Variants in HS6ST3 observed in about 807,000 individuals in gnomAD.
HS6ST3 encodes heparan sulfate 6-O-sulfotransferase 3.
HS6ST3 carries 12 observed loss-of-function variants against 36.7 expected under a neutral mutation model. That is an observed-to-expected ratio of 0.33 (90% CI 0.21 to 0.53). HS6ST3 has a LOEUF of 0.53. Ranked by LOEUF, HS6ST3 falls within the 20% of genes least tolerant of loss-of-function variation. The pLI, the probability that HS6ST3 is intolerant of heterozygous loss-of-function variation, is 0.95. For missense variants in HS6ST3, 584 were observed against 640.9 expected (o/e 0.91, Z 0.96); for synonymous variants, 240 against 257.5 (o/e 0.93, Z 0.65).
chr13:96,608,981 T>A (rs1358201730), intron 1 of HS6ST3, among the ~76,000 whole-genome samples: 1 of 152,044 alleles, frequency 6.6e-6, no homozygotes, highest in Admixed American at 6.6e-5. Context: ...ATTTATTTAT[T>A]TATTTTGAGG....
intron 1 of HS6ST3, among the ~76,000 whole-genome samples, chr13:96,773,806 C>T (rs542877561): frequency 1.6e-4 from 25 of 152,314 alleles, no homozygotes; most frequent in Non-Finnish European, 2.9e-4. Flanking sequence ...GAGGATCTTC[C>T]AGCACAGTGT....
At chr13:96,194,449 T>TA (rs1429021296) in intron 1 of HS6ST3, among the ~76,000 whole-genome samples, 2 of 152,048 alleles carry the variant, frequency 1.3e-5, no homozygotes, top group Admixed American at 6.6e-5. Flanking sequence ...TTTTTTTAAT[T>TA]AAAAAAATTA....
intron 1 of HS6ST3, among the ~76,000 whole-genome samples, chr13:96,824,403 A>G (rs1878606941): frequency 6.6e-6 from 1 of 152,216 alleles, no homozygotes; most frequent in African/African-American, 2.4e-5. Flanking sequence ...GATACTTCGC[A>G]ATTCTAGTCT....
At chr13:96,185,184 A>G (rs1402573651) in intron 1 of HS6ST3, among the ~76,000 whole-genome samples, 2 of 152,310 alleles carry the variant, frequency 1.3e-5, no homozygotes, top group South Asian at 2.1e-4. Context: ...GCCATTTACC[A>G]ATTTGGATGT....
rs544771547 is a variant in HS6ST3 at position 96,119,671 on chromosome 13, C to T, written c.707+28102C>T. On this transcript the variant is annotated intron_variant, in intron 1 of 1. Coordinates refer to ENST00000376705, the MANE Select transcript of HS6ST3 (RefSeq NM_153456.4). Reference sequence around the variant, plus strand: ...CTTCCTACTGTAGAGTATAATTAATCTTGAAGACTGTGAGCCAGAGGGCCT... The same window carrying T: ...CTTCCTACTGTAGAGTATAATTAATTTTGAAGACTGTGAGCCAGAGGGCCT... Among the ~76,000 whole-genome samples the T allele has an allele frequency of 1.2e-4, 18 of 152,214 alleles. No homozygotes were observed. The East Asian group carries it at 3.5e-3, about 29-fold the overall frequency.
At chr13:96,473,343 GTTTATC>G (rs1356840429) in intron 1 of HS6ST3, among the ~76,000 whole-genome samples, 4 of 152,222 alleles carry the variant, frequency 2.6e-5, no homozygotes, top group African/African-American at 4.8e-5. Flanking sequence ...ATCAAAAAGA[GTTTATC>G]TTTATCTGAG....
At chr13:96,692,484 T>A (rs490016) in intron 1 of HS6ST3, among the ~76,000 whole-genome samples, 104,631 of 151,990 alleles carry the variant, frequency 0.69, 37,679 homozygotes, top group East Asian at 0.82. Context: ...CCACAGATAC[T>A]GAGAACCAAC....
At chr13:96,523,911 G>A (rs1400301151) in intron 1 of HS6ST3, among the ~76,000 whole-genome samples, 1 of 152,202 alleles carries the variant, frequency 6.6e-6, no homozygotes, top group Non-Finnish European at 1.5e-5. Context: ...CTGGTGAGGA[G>A]TTGTGTTCCT....
intron 1 of HS6ST3, among the ~76,000 whole-genome samples, chr13:96,229,102 T>A (rs2054495137): frequency 6.6e-6 from 1 of 152,206 alleles, no homozygotes; most frequent in Non-Finnish European, 1.5e-5. Flanking sequence ...CTCTTTTGTA[T>A]AGCCATCAAA....
chr13:96,561,178 A>C (rs2138955323), intron 1 of HS6ST3, among the ~76,000 whole-genome samples: 1 of 152,324 alleles, frequency 6.6e-6, no homozygotes, highest in Admixed American at 6.5e-5. Context: ...TACTGATATA[A>C]AAACAGACAT....
At chr13:96,748,020 G>A (rs1457566051) in intron 1 of HS6ST3, among the ~76,000 whole-genome samples, 1 of 152,040 alleles carries the variant, frequency 6.6e-6, no homozygotes, top group Non-Finnish European at 1.5e-5. Context: ...CACTTCACAT[G>A]TGATGTAGGA....
intron 1 of HS6ST3, among the ~76,000 whole-genome samples, chr13:96,228,309 A>G (rs1052033808): frequency 2.0e-5 from 3 of 152,226 alleles, no homozygotes; most frequent in Non-Finnish European, 2.9e-5. Flanking sequence ...CTCAGGCTGG[A>G]GTGCATTGGC....
chr13:96,129,156 T>C (rs768872075), intron 1 of HS6ST3, among the ~76,000 whole-genome samples: 2 of 152,210 alleles, frequency 1.3e-5, no homozygotes, highest in Non-Finnish European at 2.9e-5. Flanking sequence ...CAGCTCCCCT[T>C]AAGAGCAATT....
chr13:96,521,099 TGAGATA>T (rs2056091523), intron 1 of HS6ST3, among the ~76,000 whole-genome samples: 1 of 152,228 alleles, frequency 6.6e-6, no homozygotes, highest in Non-Finnish European at 1.5e-5. Flanking sequence ...CTGCATCTAT[TGAGATA>T]ATCATGTGGT....
At chr13:96,290,012 C>G (rs1172652688) in intron 1 of HS6ST3, among the ~76,000 whole-genome samples, 6 of 152,154 alleles carry the variant, frequency 3.9e-5, no homozygotes, top group African/African-American at 1.2e-4. Context: ...GAGGACTTAT[C>G]TTCCGAGAAG....
chr13:96,296,504 T>G (rs1461731381), intron 1 of HS6ST3, among the ~76,000 whole-genome samples: 1 of 152,154 alleles, frequency 6.6e-6, no homozygotes, highest in African/African-American at 2.4e-5. Context: ...GTCTGTAGAT[T>G]GTGAACTACA....
At chr13:96,103,627 C>CAAATTTAAATTTATT (rs2053827917) in intron 1 of HS6ST3, among the ~76,000 whole-genome samples, 1 of 152,086 alleles carries the variant, frequency 6.6e-6, no homozygotes, top group Non-Finnish European at 1.5e-5. Flanking sequence ...TTATACAGTA[C>CAAATTTAAATTTATT]TGTGCTATAC....
intron 1 of HS6ST3, among the ~76,000 whole-genome samples, chr13:96,393,869 A>G (rs1040273888): frequency 6.6e-6 from 1 of 152,148 alleles, no homozygotes; most frequent in Non-Finnish European, 1.5e-5. Flanking sequence ...GCCATCCAGA[A>G]TTTAACTACC....
intron 1 of HS6ST3, among the ~76,000 whole-genome samples, chr13:96,644,258 G>T (rs376634925): frequency 1.3e-5 from 2 of 151,908 alleles, no homozygotes; most frequent in East Asian, 3.9e-4. Flanking sequence ...TCAAGTGCCA[G>T]TGAAGCTTCT....
Sources: allele counts gnomAD v4.1 joint callset (sites outside exome capture counted in the v4.1 genomes callset), GRCh38; gene constraint gnomAD v4.1.1; transcripts MANE v1.5; gene names NCBI Gene and HGNC (gene_info 2026-07-23, HGNC 2026-07-21).